The following FER1L6 variants were observed in gnomAD, a reference collection of about 807,000 sequenced individuals.
FER1L6 encodes the protein fer-1-like protein 6.
A neutral mutation model predicts 219.2 loss-of-function variants in FER1L6; 177 were observed. The observed-to-expected ratio is 0.81, with a 90% CI of 0.71 to 0.91. FER1L6 has a LOEUF of 0.91. Ranked by LOEUF, FER1L6 falls within the 40% of genes least tolerant of loss-of-function variation. The probability of loss-of-function intolerance (pLI) is 0.00; values close to 1 mark genes in which losing one functional copy is unlikely to be tolerated. For missense variants in FER1L6, 2,153 were observed against 2,259.9 expected (o/e 0.95, Z 0.96); for synonymous variants, 768 against 824.3 (o/e 0.93, Z 1.17).
At chr8:123,991,443 G>GT (rs61107452) in intron 12 of FER1L6, among the ~76,000 whole-genome samples, 4,049 of 149,320 alleles carry the variant, frequency 0.027, 115 homozygotes, top group African/African-American at 0.074. Flanking sequence ...TATATTCCTA[G>GT]TTTTTTTTTT....
In FER1L6 at chr8:124,069,345, G is replaced by A. The variant is rs1024693603; in HGVS notation, c.3719-15G>A. On this transcript the variant is annotated splice_polypyrimidine_tract_variant and intron_variant, in intron 28 of 40. Coordinates refer to ENST00000522917, the MANE Select transcript of FER1L6 (RefSeq NM_001039112.2). ...AACCGCCATGAGAAACCTAATTTCTGCTGAATATCCACAGAGGCAAAGCCA... is the reference window on the plus strand; with the variant it reads ...AACCGCCATGAGAAACCTAATTTCTACTGAATATCCACAGAGGCAAAGCCA... 1.9e-6 allele frequency: 3 copies of A among 1,590,200 alleles called. No individual in the cohort carries two copies. The highest frequency in any genetic ancestry group is 2.6e-6 in the Non-Finnish European group (3 of 1,160,344).
chr8:124,041,463 C>G (rs1457107783), intron 20 of FER1L6, among the ~76,000 whole-genome samples: 1 of 152,220 alleles, frequency 6.6e-6, no homozygotes, highest in Non-Finnish European at 1.5e-5. Flanking sequence ...GCCTCACATT[C>G]ATTGAACCAG....
intron 1 of FER1L6, among the ~76,000 whole-genome samples, chr8:123,871,228 T>A (rs1816919394): frequency 6.6e-6 from 1 of 152,202 alleles, no homozygotes; most frequent in Non-Finnish European, 1.5e-5. Context: ...CATAGGTTAG[T>A]ATGCATAAAT....
chr8:123,916,593 T>G lies in FER1L6; in HGVS notation c.-7-39399T>G, dbSNP rs113180570. Among the ~76,000 whole-genome samples the G allele has an allele frequency of 7.8e-3, 1,181 of 152,284 alleles. 21 individuals are homozygous for G. The highest frequency in any genetic ancestry group is 0.027 in the African/African-American group (1,135 of 41,542). ...GTGGCATTATAAATAGTTCTTGGAG[T>G]AAGCGCTCTGCTTTGAGTGAAGAGA... On this transcript the variant is annotated intron_variant, in intron 1 of 40. Coordinates refer to ENST00000522917, the MANE Select transcript of FER1L6 (RefSeq NM_001039112.2).
At chr8:123,860,082 A>T (rs1225569094) in intron 1 of FER1L6, among the ~76,000 whole-genome samples, 1 of 135,316 alleles carries the variant, frequency 7.4e-6, no homozygotes, top group East Asian at 2.2e-4. Flanking sequence ...TGCACCCACT[A>T]ACTCGTCATC....
chr8:123,941,927 T>A (rs1233578986), intron 1 of FER1L6, among the ~76,000 whole-genome samples: 2 of 152,054 alleles, frequency 1.3e-5, no homozygotes, highest in African/African-American at 4.8e-5. Context: ...AAATAATCAC[T>A]TCCCCCAGTG....
In FER1L6 at chr8:124,021,763, A is replaced by G. The variant is rs1029362228; in HGVS notation, c.2133+94A>G. 8 of 1,473,382 alleles carry G rather than the reference A, an allele frequency of 5.4e-6. No individual in the cohort carries two copies. In the African/African-American group the frequency reaches 5.6e-5, roughly 10 times the overall value. 91.3% of individuals were successfully genotyped at this position (1,473,382 alleles called of 1,614,324 possible). On this transcript the variant is annotated intron_variant, in intron 17 of 40. Transcript: ENST00000522917. The stretch of plus-strand genomic sequence containing the variant: ...GTTGGTACGGGTGAAATATGAATCA[A>G]TGTTTTTCTCCCCAGCCCTAGTGGG...
chr8:124,071,479 T>A (rs1563781236), intron 30 of FER1L6, 27 bp from the exon 31 acceptor site: 1 of 1,613,460 alleles, frequency 6.2e-7, no homozygotes. Context: ...CCATCTCATT[T>A]CAATGGGTTG....
At chr8:124,067,836 A>G (rs892046669) in intron 28 of FER1L6, 30 bp downstream of exon 28, 3 of 1,582,296 alleles carry the variant, frequency 1.9e-6, no homozygotes, top group Admixed American at 1.7e-5. Context: ...ACATTTGTCC[A>G]TAGAATAGGG....
chr8:123,956,801 A>G (rs1437868753), intron 2 of FER1L6, among the ~76,000 whole-genome samples: 2 of 152,222 alleles, frequency 1.3e-5, no homozygotes, highest in African/African-American at 4.8e-5. Context: ...GTACACAGCC[A>G]GGAAGCAACA....
intron 19 of FER1L6, among the ~76,000 whole-genome samples, chr8:124,038,453 G>A (rs1467648822): frequency 1.3e-5 from 2 of 152,054 alleles, no homozygotes; most frequent in Non-Finnish European, 2.9e-5. Flanking sequence ...CTGCTTTCCC[G>A]AACTTCCTGA....
chr8:123,859,970 C>T (rs199990437), intron 1 of FER1L6, among the ~76,000 whole-genome samples: 3 of 117,960 alleles, frequency 2.5e-5, no homozygotes, highest in African/African-American at 9.3e-5. Context: ...ATTATTATTA[C>T]TATTATTATT....
rs533520976 is a variant in FER1L6 at position 123,981,060 on chromosome 8, A to G, written c.1410+249A>G. ...ATACAATTCCCATGGAAACCCAAGT[A>G]AAGAGAAATAAAAGTGCTCCGGAGG... is the stretch of plus-strand genomic sequence containing the variant. On this transcript the variant is annotated intron_variant, in intron 11 of 40. Transcript: ENST00000522917. Among the ~76,000 whole-genome samples the G allele has an allele frequency of 2.6e-5, 4 of 152,304 alleles. No individual in the cohort carries two copies. The South Asian group carries it at 8.3e-4, about 32-fold the overall frequency.
intron 29 of FER1L6, 139 bp from the exon 30 acceptor site, chr8:124,070,328 T>G (rs539353068): frequency 1.7e-4 from 143 of 836,838 alleles, no homozygotes; most frequent in Non-Finnish European, 2.4e-4. Flanking sequence ...CTTATCTCAC[T>G]GAAGATAAAT....
chr8:124,023,136 C>T (rs749654095), intron 17 of FER1L6, among the ~76,000 whole-genome samples: 6 of 152,122 alleles, frequency 3.9e-5, no homozygotes, highest in South Asian at 2.1e-4. Flanking sequence ...AGGATGATCT[C>T]GAACTCCTGA....
chr8:124,070,372 T>TA, intron 29 of FER1L6, 95 bp from the exon 30 acceptor site: 1 of 1,419,908 alleles, frequency 7.0e-7, no homozygotes, highest in Non-Finnish European at 9.7e-7. Flanking sequence ...AAGGGGCATA[T>TA]ATCAAGGCTG....
At chr8:123,946,543 G>A (rs1032623624) in intron 1 of FER1L6, among the ~76,000 whole-genome samples, 7 of 152,098 alleles carry the variant, frequency 4.6e-5, no homozygotes, top group Admixed American at 2.0e-4. Context: ...TGTGAGCCAC[G>A]GTGCCCGGGC....
At chr8:124,001,865 G>A (rs1817424479) in intron 12 of FER1L6, among the ~76,000 whole-genome samples, 1 of 152,208 alleles carries the variant, frequency 6.6e-6, no homozygotes, top group African/African-American at 2.4e-5. Flanking sequence ...GATGGTAGAG[G>A]AATGATGGGA....
chr8:124,006,512 A>G (rs1299596964), intron 13 of FER1L6, among the ~76,000 whole-genome samples: 1 of 152,206 alleles, frequency 6.6e-6, no homozygotes, highest in Admixed American at 6.5e-5. Context: ...ACATATATGC[A>G]TGCATGTGCA....
Sources: gnomAD v4.1 joint callset for allele counts (sites outside exome capture counted in the v4.1 genomes callset) on GRCh38, gnomAD v4.1.1 for gene constraint, MANE v1.5 for transcripts, NCBI Gene and HGNC (gene_info 2026-07-23, HGNC 2026-07-21) for gene names.